The following DOCK3 variants were observed in gnomAD, a reference collection of about 807,000 sequenced individuals.
DOCK3 encodes the protein dedicator of cytokinesis protein 3.
Under a neutral mutation model 265.6 loss-of-function variants are expected in DOCK3, and 60 were observed. The ratio of observed to expected loss-of-function variants is 0.23; its 90% CI spans 0.18 to 0.28. The LOEUF (loss-of-function observed/expected upper bound fraction) is 0.28, where lower values mean the gene tolerates loss of function less well. DOCK3 is among the 10% of genes least tolerant of loss of function. DOCK3 has a pLI of 1.00. For missense variants in DOCK3, 1,981 were observed against 2,594.3 expected (o/e 0.76, Z 5.14); for synonymous variants, 881 against 938.0 (o/e 0.94, Z 1.11).
chr3:50,676,197 C>T (rs994201006), intron 1 of DOCK3, among the ~76,000 whole-genome samples: 71 of 152,130 alleles, frequency 4.7e-4, no homozygotes, highest in African/African-American at 1.6e-3. Flanking sequence ...CCTGTCTAAA[C>T]ATAGATTTTT....
chr3:51,180,227 C>A (rs1261059904), intron 12 of DOCK3, among the ~76,000 whole-genome samples: 63 of 51,490 alleles, frequency 1.2e-3, no homozygotes, highest in Middle Eastern at 0.029. Context: ...AAAAAAAAAA[C>A]ACACACACAC....
chr3:51,220,669 A>AT, intron 14 of DOCK3, among the ~76,000 whole-genome samples: 1 of 68,418 alleles, frequency 1.5e-5, no homozygotes, highest in South Asian at 7.3e-4. Flanking sequence ...AAAAAAAAAA[A>AT]AATATATATA....
At chr3:50,682,828 G>T (rs1345430601) in intron 1 of DOCK3, among the ~76,000 whole-genome samples, 4 of 152,194 alleles carry the variant, frequency 2.6e-5, no homozygotes, top group Admixed American at 6.5e-5. Context: ...AATTCCAGCT[G>T]CTCGGAAGGC....
intron 2 of DOCK3, among the ~76,000 whole-genome samples, chr3:50,822,561 A>G (rs1328302605): frequency 6.6e-6 from 1 of 152,096 alleles, no homozygotes; most frequent in East Asian, 1.9e-4. Context: ...CAGTGGTGCA[A>G]TCATAGCTCA....
intron 2 of DOCK3, among the ~76,000 whole-genome samples, chr3:50,789,332 T>C (rs2042346320): frequency 6.6e-6 from 1 of 152,204 alleles, no homozygotes; most frequent in South Asian, 2.1e-4. Context: ...CACTGTGATC[T>C]GAGAGAGTAC....
intron 9 of DOCK3, among the ~76,000 whole-genome samples, chr3:51,134,511 A>G (rs887004822): frequency 4.6e-5 from 7 of 152,132 alleles, no homozygotes; most frequent in African/African-American, 1.4e-4. Context: ...ATCATTACCT[A>G]TGTCTCTTTG....
intron 5 of DOCK3, among the ~76,000 whole-genome samples, chr3:51,006,897 G>A (rs2078701531): frequency 6.6e-6 from 1 of 152,136 alleles, no homozygotes; most frequent in South Asian, 2.1e-4. Flanking sequence ...CCTTGCGATA[G>A]TTTGCTGAGA....
chr3:50,713,188 CAA>C (rs1403699208), intron 1 of DOCK3, among the ~76,000 whole-genome samples: 1 of 152,138 alleles, frequency 6.6e-6, no homozygotes, highest in Non-Finnish European at 1.5e-5. Flanking sequence ...ATAAAGGAGA[CAA>C]AGGATCTGGA....
intron 9 of DOCK3, among the ~76,000 whole-genome samples, chr3:51,092,694 C>T (rs996082199): frequency 6.6e-6 from 1 of 152,304 alleles, no homozygotes; most frequent in Non-Finnish European, 1.5e-5. Flanking sequence ...AAGTGGGTCC[C>T]TGACCCCCAT....
At chr3:50,724,448 C>T (rs2037684323) in intron 1 of DOCK3, among the ~76,000 whole-genome samples, 1 of 152,166 alleles carries the variant, frequency 6.6e-6, no homozygotes, top group Non-Finnish European at 1.5e-5. Context: ...ACCCAAATGC[C>T]CATCAATGAT....
At chr3:50,951,452 T>G (rs2076590183) in intron 5 of DOCK3, among the ~76,000 whole-genome samples, 1 of 152,202 alleles carries the variant, frequency 6.6e-6, no homozygotes, top group African/African-American at 2.4e-5. Context: ...CCATATGAGT[T>G]CTTTATGGAC....
At chr3:51,036,814 G>C (rs1434968038) in intron 5 of DOCK3, among the ~76,000 whole-genome samples, 2 of 152,108 alleles carry the variant, frequency 1.3e-5, no homozygotes, top group Non-Finnish European at 2.9e-5. Context: ...ATCATGGGGT[G>C]GGTCTTTCCC....
intron 26 of DOCK3, chr3:51,278,421 A>C (rs772573136): frequency 2.0e-6 from 2 of 985,378 alleles, no homozygotes; most frequent in African/African-American, 3.5e-5. Flanking sequence ...TTTTCGTGGA[A>C]TCTTTCCATT....
intron 6 of DOCK3, among the ~76,000 whole-genome samples, chr3:51,067,240 T>C (rs1406668170): frequency 6.6e-6 from 1 of 152,184 alleles, no homozygotes; most frequent in Non-Finnish European, 1.5e-5. Flanking sequence ...TATCAGTACC[T>C]ATACCTCTTT....
intron 1 of DOCK3, among the ~76,000 whole-genome samples, chr3:50,776,868 A>G (rs1327082958): frequency 1.3e-5 from 2 of 152,132 alleles, no homozygotes; most frequent in African/African-American, 2.4e-5. Context: ...ATAAAGACAT[A>G]CCCAAGACTG....
intron 1 of DOCK3, among the ~76,000 whole-genome samples, chr3:50,737,875 A>G (rs111850822): frequency 6.6e-6 from 1 of 152,120 alleles, no homozygotes; most frequent in African/African-American, 2.4e-5. Context: ...GTTATTTTGA[A>G]TTGTTAATGC....
intron 5 of DOCK3, among the ~76,000 whole-genome samples, chr3:51,039,934 T>C (rs138402822): frequency 9.9e-5 from 15 of 151,346 alleles, no homozygotes; most frequent in African/African-American, 3.4e-4. Flanking sequence ...TTATTTGTTT[T>C]CTCATTTCAA....
intron 6 of DOCK3, among the ~76,000 whole-genome samples, chr3:51,072,429 A>T (rs2081909133): frequency 6.6e-6 from 1 of 151,150 alleles, no homozygotes; most frequent in Admixed American, 6.6e-5. Context: ...TTTTTTTGAG[A>T]TGGGGTCTTG....
chr3:50,804,410 C>T (rs1227901308), intron 2 of DOCK3, among the ~76,000 whole-genome samples: 2 of 152,046 alleles, frequency 1.3e-5, no homozygotes, highest in East Asian at 1.9e-4. Context: ...GAGGTTGTAG[C>T]GAGCCGAGAT....
Sources: gnomAD v4.1 joint callset for allele counts (sites outside exome capture counted in the v4.1 genomes callset) on GRCh38, gnomAD v4.1.1 for gene constraint, MANE v1.5 for transcripts, NCBI Gene and HGNC (gene_info 2026-07-23, HGNC 2026-07-21) for gene names.